Variants in ODF2L observed in about 807,000 individuals in gnomAD.
ODF2L encodes outer dense fiber of sperm tails 2 like.
Under a neutral mutation model 86.3 loss-of-function variants are expected in ODF2L, and 76 were observed. The observed-to-expected ratio is 0.88, with a 90% CI of 0.73 to 1.07. The LOEUF is 1.07. ODF2L is among the 50% of genes least tolerant of loss of function. ODF2L has a pLI of 0.00. For missense variants in ODF2L, 748 were observed against 717.4 expected, an observed-to-expected ratio of 1.04 and a Z score of -0.49; for synonymous variants, 241 against 231.3, an observed-to-expected ratio of 1.04 and a Z score of -0.38.
At chr1:86,367,528 G>A (rs1318371261) in intron 11 of ODF2L, among the ~76,000 whole-genome samples, 1 of 144,752 alleles carries the variant, frequency 6.9e-6, no homozygotes, top group African/African-American at 2.6e-5. Flanking sequence ...TCAGAGAATA[G>A]AGATAGGATG....
chr1:86,358,873 C>T, exon 13 of ODF2L: 2 of 1,526,604 alleles, frequency 1.3e-6, no homozygotes, highest in Non-Finnish European at 1.8e-6. Flanking sequence ...ATTTCAGCTG[C>T]TTCTTGCAAC....
At chr1:86,373,704 C>G (rs1558037302) in intron 8 of ODF2L, among the ~76,000 whole-genome samples, 1 of 151,914 alleles carries the variant, frequency 6.6e-6, no homozygotes, top group Non-Finnish European at 1.5e-5. Context: ...AGAAACTATC[C>G]CCAATTCCAC....
intron 10 of ODF2L, among the ~76,000 whole-genome samples, chr1:86,370,195 G>A (rs958114629): frequency 6.6e-6 from 1 of 151,574 alleles, no homozygotes; most frequent in African/African-American, 2.4e-5. Context: ...AAGGACCACA[G>A]AATATATCTG....
At chr1:86,383,085 A>G in intron 5 of ODF2L, 49 bp downstream of exon 5, 1 of 1,339,494 alleles carries the variant, frequency 7.5e-7, no homozygotes, top group Non-Finnish European at 1.1e-6. Flanking sequence ...CAGCATGCAA[A>G]TAACAATGAC....
At chr1:86,374,040 C>T (rs1169580533) in intron 8 of ODF2L, among the ~76,000 whole-genome samples, 2 of 152,186 alleles carry the variant, frequency 1.3e-5, no homozygotes, top group African/African-American at 4.8e-5. Context: ...TAAAAACACA[C>T]TGGAAGGCCA....
At chr1:86,358,448 A>C (rs1419883983) in intron 13 of ODF2L, 1 of 154,004 alleles carries the variant, frequency 6.5e-6, no homozygotes, top group African/African-American at 2.4e-5. Flanking sequence ...ATAACCAGAA[A>C]AAAAGGGTGA....
At chr1:86,381,993 T>C in intron 7 of ODF2L, 1 of 314,614 alleles carries the variant, frequency 3.2e-6, no homozygotes, top group Non-Finnish European at 5.3e-6. Context: ...TGGAAATGAT[T>C]TTTAAAGTAA....
downstream of ODF2L, chr1:86,348,747 A>T (rs746010575): frequency 1.6e-5 from 24 of 1,474,256 alleles, no homozygotes; most frequent in African/African-American, 2.9e-5. Context: ...TAAATTTGAC[A>T]ATTTATTCAA....
chr1:86,382,069 T>C (rs1436388312), intron 7 of ODF2L, 173 bp downstream of exon 7: 1 of 867,472 alleles, frequency 1.2e-6, no homozygotes. Flanking sequence ...TTGAAATTTG[T>C]ACCCAAACCT....
At chr1:86,352,352 C>CT (rs1389162742) in intron 17 of ODF2L, 1 of 974,232 alleles carries the variant, frequency 1.0e-6, no homozygotes, top group Admixed American at 3.9e-5. Context: ...AAACAGAAGA[C>CT]TAATTAAGCA....
exon 18 of ODF2L, chr1:86,351,711 C>T (rs1417606184): frequency 5.8e-6 from 1 of 173,154 alleles, no homozygotes; most frequent in African/African-American, 2.4e-5. Context: ...GATCTTGTTT[C>T]ATCTTATTCA....
In ODF2L at chr1:86,383,245, T is replaced by C. The variant is rs189297357; in HGVS notation, c.373-49A>G. 3,008 of 942,860 alleles carry C rather than the reference T, an allele frequency of 3.2e-3. 7 individuals are homozygous for C. Among genetic ancestry groups the C allele is most frequent in the Non-Finnish European group, 3.9e-3 (2,414 of 614,670 alleles). The allele number at this position is 942,860 out of a possible 1,614,324, so 58.4% of individuals were successfully genotyped here. On this transcript the variant is annotated intron_variant, in intron 4 of 17. Transcript: ENST00000317336. ...AGTGATCGCAAATTATATTTCTCTA[T>C]ATAAAAAAGTAGGAAGTGAAATAAG...
At chr1:86,395,089 C>A (rs1191832480) in intron 1 of ODF2L, among the ~76,000 whole-genome samples, 1 of 152,054 alleles carries the variant, frequency 6.6e-6, no homozygotes, top group Admixed American at 6.5e-5. Flanking sequence ...GTGATCCGCC[C>A]GCCTCGGCCT....
intron 9 of ODF2L, among the ~76,000 whole-genome samples, chr1:86,371,650 A>G (rs191679899): frequency 6.6e-6 from 1 of 152,262 alleles, no homozygotes; most frequent in African/African-American, 2.4e-5. Flanking sequence ...TCAGTAATAC[A>G]TTTCAAATAA....
rs192759958 is a variant in ODF2L, at chr1:86,355,424, A to T, written c.1519-565T>A. 522 of 1,249,706 alleles carry T rather than the reference A, an allele frequency of 4.2e-4. 1 individual carries two copies. In the African/African-American group the frequency reaches 5.3e-3, roughly 13 times the overall value. The allele number at this position is 1,249,706 out of a possible 1,614,324, so 77.4% of individuals were successfully genotyped here. ...TAAGAAGCTTTGATTCAAGGAAAAA[A>T]TTTTTTTCTCATAATTTCAATTAGT... On this transcript the variant is annotated intron_variant, in intron 14 of 17. Coordinates refer to ENST00000317336, the Ensembl canonical transcript of ODF2L.
At chr1:86,361,882 G>A (rs1052347918) in intron 11 of ODF2L, among the ~76,000 whole-genome samples, 6 of 152,110 alleles carry the variant, frequency 3.9e-5, no homozygotes, top group Non-Finnish European at 8.8e-5. Context: ...CAAAACAGAC[G>A]ACATTCCCTT....
At chr1:86,354,325 A>G (rs1201191650) in intron 16 of ODF2L, among the ~76,000 whole-genome samples, 2 of 152,214 alleles carry the variant, frequency 1.3e-5, no homozygotes, top group Non-Finnish European at 2.9e-5. Flanking sequence ...TTCCCCAGCC[A>G]CATTACCATT....
At chr1:86,372,567 C>G in intron 8 of ODF2L, 27 bp from the exon 9 acceptor site, 1 of 1,201,658 alleles carries the variant, frequency 8.3e-7, no homozygotes, top group Non-Finnish European at 1.1e-6. Context: ...AGTATTCATA[C>G]TATAATTTTA....
chr1:86,383,956 T>C (rs1660761542), intron 4 of ODF2L, among the ~76,000 whole-genome samples: 1 of 151,794 alleles, frequency 6.6e-6, no homozygotes, highest in Admixed American at 6.6e-5. Context: ...TATGCACACG[T>C]AACATATATA....
Sources: gnomAD v4.1 joint callset for allele counts (sites outside exome capture counted in the v4.1 genomes callset) on GRCh38, gnomAD v4.1.1 for gene constraint, MANE v1.5 for transcripts, NCBI Gene and HGNC (gene_info 2026-07-23, HGNC 2026-07-21) for gene names.